PPP2CB: variants seen among roughly 807,000 people sequenced by gnomAD.
PPP2CB encodes serine/threonine-protein phosphatase 2A catalytic subunit beta isoform.
PPP2CB carries 18 observed loss-of-function variants against 39.1 expected under a neutral mutation model. That is an observed-to-expected ratio of 0.46 (90% CI 0.32 to 0.68). The LOEUF is 0.68. Ranked by LOEUF, PPP2CB falls within the 30% of genes least tolerant of loss-of-function variation. The probability of loss-of-function intolerance (pLI) is 0.04; values close to 1 mark genes in which losing one functional copy is unlikely to be tolerated. For synonymous variants in PPP2CB, 129 were observed against 133.8 expected, an observed-to-expected ratio of 0.96 and a Z score of 0.25; for missense variants, 226 against 396.9, an observed-to-expected ratio of 0.57 and a Z score of 3.66.
At chr8:30,806,865 T>A (rs1806735027) in intron 1 of PPP2CB, among the ~76,000 whole-genome samples, 1 of 152,218 alleles carries the variant, frequency 6.6e-6, no homozygotes, top group Non-Finnish European at 1.5e-5. Context: ...TAGGTAAATA[T>A]CTTATGGCAA....
chr8:30,799,189 G>A (rs1563216023), intron 2 of PPP2CB, among the ~76,000 whole-genome samples: 1 of 152,226 alleles, frequency 6.6e-6, no homozygotes, highest in African/African-American at 2.4e-5. Context: ...CTAAGCTATT[G>A]TAACAATCGA....
chr8:30,806,895 G>A (rs1044443856), intron 1 of PPP2CB, among the ~76,000 whole-genome samples: 1 of 152,030 alleles, frequency 6.6e-6, no homozygotes, highest in Non-Finnish European at 1.5e-5. Context: ...ATTGTTAAAG[G>A]GCAGTATTAA....
At chr8:30,788,695 G>A (rs983688109) in intron 6 of PPP2CB, among the ~76,000 whole-genome samples, 1 of 152,212 alleles carries the variant, frequency 6.6e-6, no homozygotes, top group Admixed American at 6.5e-5. Flanking sequence ...TTCTGCTGTT[G>A]TTGGGTGTTG....
intron 1 of PPP2CB, among the ~76,000 whole-genome samples, chr8:30,802,546 A>C (rs114526374): frequency 0.023 from 3,516 of 152,174 alleles, 134 homozygotes; most frequent in African/African-American, 0.079. Context: ...AGTGGTGTGA[A>C]CGTAGCTCAC....
At chr8:30,790,561 C>T (rs1203506776) in intron 6 of PPP2CB, among the ~76,000 whole-genome samples, 3 of 152,188 alleles carry the variant, frequency 2.0e-5, no homozygotes, top group Non-Finnish European at 4.4e-5. Flanking sequence ...ACTTCTGTGC[C>T]AGTGCAGGCT....
At chr8:30,803,783 T>C (rs1806665657) in intron 1 of PPP2CB, among the ~76,000 whole-genome samples, 1 of 151,746 alleles carries the variant, frequency 6.6e-6, no homozygotes, top group African/African-American at 2.4e-5. Context: ...GGCTAACTTT[T>C]GGAGAATTTA....
At chr8:30,807,664 A>G (rs1310331063) in intron 1 of PPP2CB, among the ~76,000 whole-genome samples, 1 of 152,238 alleles carries the variant, frequency 6.6e-6, no homozygotes, top group Non-Finnish European at 1.5e-5. Flanking sequence ...CAGGTCAAAG[A>G]GCTTAAAATT....
intron 1 of PPP2CB, among the ~76,000 whole-genome samples, chr8:30,804,854 T>C (rs937172885): frequency 6.6e-6 from 1 of 152,034 alleles, no homozygotes; most frequent in African/African-American, 2.4e-5. Flanking sequence ...GTAAACCACA[T>C]TATAAAGAAT....
intron 1 of PPP2CB, among the ~76,000 whole-genome samples, chr8:30,801,474 C>T (rs1004996213): frequency 2.6e-5 from 4 of 151,200 alleles, no homozygotes; most frequent in African/African-American, 4.9e-5. Flanking sequence ...GCGGAGCTTG[C>T]AGTGAGCCAA....
In PPP2CB at chr8:30,786,034, T is replaced by C. The variant is rs1006979322; in HGVS notation, c.*201A>G. 5.6e-5 allele frequency: 38 copies of C among 674,630 alleles called. No individual in the cohort carries two copies. The Admixed American group carries it at 7.0e-4, about 12-fold the overall frequency. The allele number at this position is 674,630 out of a possible 1,614,324, so 41.8% of individuals were successfully genotyped here. A position where few individuals can be genotyped will look rare whatever the true frequency, so the allele number is the denominator to read the frequency against. ...ACTGTTAGACTGACCTAGAACATAG[T>C]GTACTAAATTTCAGTCTCAAATTGT... is the stretch of plus-strand genomic sequence containing the variant. On this transcript the variant is annotated 3_prime_UTR_variant, in exon 7 of 7. Coordinates refer to ENST00000221138, the MANE Select transcript of PPP2CB (RefSeq NM_001009552.2).
chr8:30,801,614 C>T (rs916830554), intron 1 of PPP2CB, among the ~76,000 whole-genome samples: 11 of 151,590 alleles, frequency 7.3e-5, no homozygotes, highest in Non-Finnish European at 8.8e-5. Context: ...GGAGAGAGCA[C>T]AATTTTAGGG....
intron 3 of PPP2CB, among the ~76,000 whole-genome samples, chr8:30,796,431 A>G (rs558294707): frequency 6.6e-6 from 1 of 152,110 alleles, no homozygotes; most frequent in East Asian, 1.9e-4. Context: ...CCCAAGCTGG[A>G]GTGCCGTGAT....
intron 1 of PPP2CB, among the ~76,000 whole-genome samples, chr8:30,800,969 G>A (rs928768638): frequency 6.6e-6 from 1 of 152,084 alleles, no homozygotes; most frequent in Non-Finnish European, 1.5e-5. Context: ...CACTTTGGGA[G>A]GCCGAGGGGG....
At chr8:30,801,261 G>A (rs1489158695) in intron 1 of PPP2CB, among the ~76,000 whole-genome samples, 4 of 151,976 alleles carry the variant, frequency 2.6e-5, no homozygotes, top group Non-Finnish European at 5.9e-5. Context: ...GGCCGGGCAC[G>A]GTGGCTCATG....
At chr8:30,789,045 TTTAC>T (rs1350485300) in intron 6 of PPP2CB, among the ~76,000 whole-genome samples, 17 of 149,122 alleles carry the variant, frequency 1.1e-4, no homozygotes, top group Non-Finnish European at 2.4e-4. Flanking sequence ...CTCGGATGTT[TTTAC>T]TTTTTTTTTT....
At chr8:30,801,026 G>C (rs1806615016) in intron 1 of PPP2CB, among the ~76,000 whole-genome samples, 2 of 150,366 alleles carry the variant, frequency 1.3e-5, no homozygotes, top group Admixed American at 1.3e-4. Context: ...GGGCAACATA[G>C]TGAGACCTCT....
rs1275899680 is a variant in PPP2CB, at chr8:30,797,221, C to G, written c.486+360G>C. On this transcript the variant is annotated intron_variant, in intron 3 of 6. Coordinates refer to ENST00000221138, the MANE Select transcript of PPP2CB (RefSeq NM_001009552.2). ...AGAAATGAAAAGTTATTCATGGTAA[C>G]CAGCAGACACTGCATGTATATGCAG... 2.6e-5 allele frequency among the ~76,000 whole-genome samples: 4 copies of G among 152,132 alleles called. No individual in the cohort carries two copies. In the East Asian group the frequency reaches 7.7e-4, roughly 29 times the overall value.
chr8:30,793,767 G>T, intron 5 of PPP2CB, 150 bp downstream of exon 5: 1 of 843,666 alleles, frequency 1.2e-6, no homozygotes, highest in Non-Finnish European at 1.7e-6. Context: ...GTCTACTAGT[G>T]CTTTCCCTAC....
intron 1 of PPP2CB, among the ~76,000 whole-genome samples, chr8:30,802,870 C>A (rs1806649586): frequency 6.6e-6 from 1 of 152,098 alleles, no homozygotes; most frequent in Admixed American, 6.5e-5. Flanking sequence ...CAAGACATAA[C>A]CCTGGAAATG....
Sources: gnomAD v4.1 joint callset for allele counts (sites outside exome capture counted in the v4.1 genomes callset) on GRCh38, gnomAD v4.1.1 for gene constraint, MANE v1.5 for transcripts, NCBI Gene and HGNC (gene_info 2026-07-23, HGNC 2026-07-21) for gene names.